The following ACOXL variants were observed in gnomAD, a reference collection of about 807,000 sequenced individuals.
ACOXL encodes the protein acyl-coenzyme A oxidase-like protein.
A neutral mutation model predicts 71.9 loss-of-function variants in ACOXL; 70 were observed. That is an observed-to-expected ratio of 0.97 (90% CI 0.80 to 1.19). The LOEUF is 1.19. Ranked by LOEUF, ACOXL falls within the 50% of genes most tolerant of loss-of-function variation. The pLI, the probability that ACOXL is intolerant of heterozygous loss-of-function variation, is 0.00. For synonymous variants in ACOXL, 253 were observed against 281.6 expected (o/e 0.90, Z 1.02); for missense variants, 703 against 736.3 (o/e 0.95, Z 0.52).
rs1386180838 is a variant in ACOXL at position 110,805,448 on chromosome 2, C to G, written c.753+53C>G. The G allele has an allele frequency of 1.2e-5, 20 of 1,608,734 alleles. No individual in the cohort carries two copies. In the East Asian group the frequency reaches 2.5e-4, roughly 20 times the overall value. On this transcript the variant is annotated intron_variant, in intron 9 of 17. Transcript: ENST00000439055. ...ATCTACTGTGAATTCTCTCACGACT[C>G]AGGGATGAGTAACAATTCCAGGAGC...
chr2:110,799,948 C>T (rs991138794), intron 7 of ACOXL, among the ~76,000 whole-genome samples: 3 of 152,054 alleles, frequency 2.0e-5, no homozygotes, highest in Admixed American at 2.0e-4. Flanking sequence ...AACCAGCGCC[C>T]TCTAAAATGC....
At chr2:111,080,777 A>C (rs1000540734) in intron 16 of ACOXL, among the ~76,000 whole-genome samples, 2 of 152,220 alleles carry the variant, frequency 1.3e-5, no homozygotes, top group Non-Finnish European at 2.9e-5. Flanking sequence ...CCTCAATAAA[A>C]AACTGGCAAG....
chr2:110,968,440 A>T, intron 12 of ACOXL: 1 of 1,183,938 alleles, frequency 8.4e-7, no homozygotes, highest in Non-Finnish European at 1.2e-6. Context: ...CACGGGCCAG[A>T]ATGTTGCAGA....
At chr2:110,817,979 T>A (rs1448510475) in intron 9 of ACOXL, among the ~76,000 whole-genome samples, 11 of 150,228 alleles carry the variant, frequency 7.3e-5, no homozygotes, top group African/African-American at 2.7e-4. Context: ...TTTTAGGGAC[T>A]GATCTCATCA....
intron 10 of ACOXL, among the ~76,000 whole-genome samples, chr2:110,899,042 A>C (rs1165961993): frequency 6.6e-6 from 1 of 152,182 alleles, no homozygotes; most frequent in Admixed American, 6.5e-5. Flanking sequence ...CATGTGTAAG[A>C]CTCCTGAGAA....
chr2:110,880,150 AAAC>A (rs1376841040), intron 10 of ACOXL, among the ~76,000 whole-genome samples: 1,521 of 113,824 alleles, frequency 0.013, 24 homozygotes, highest in African/African-American at 0.043. Context: ...ACTCTGTCAC[AAAC>A]AAAAAAAAAA....
At chr2:111,029,341 C>A (rs983744731) in intron 14 of ACOXL, among the ~76,000 whole-genome samples, 1 of 152,178 alleles carries the variant, frequency 6.6e-6, no homozygotes, top group East Asian at 1.9e-4. Flanking sequence ...ATTTTAAAAT[C>A]TTGTGCATTG....
intron 9 of ACOXL, 132 bp downstream of exon 9, chr2:110,805,527 C>T: frequency 1.6e-6 from 2 of 1,276,140 alleles, no homozygotes; most frequent in Non-Finnish European, 2.2e-6. Context: ...CGGTTAGATG[C>T]TGGGGAGTGC....
chr2:111,007,693 G>A (rs137972113), intron 14 of ACOXL, among the ~76,000 whole-genome samples: 61 of 152,240 alleles, frequency 4.0e-4, no homozygotes, highest in African/African-American at 1.4e-3. Flanking sequence ...CTAGAGAATG[G>A]TATTTAAAAA....
chr2:110,821,652 A>G (rs1456212191), intron 9 of ACOXL, among the ~76,000 whole-genome samples: 1 of 152,044 alleles, frequency 6.6e-6, no homozygotes, highest in Non-Finnish European at 1.5e-5. Context: ...CCCCCTTTTC[A>G]TACGATCAGC....
chr2:110,995,499 C>CGAAAAAAAA (rs2063351599), intron 13 of ACOXL, among the ~76,000 whole-genome samples: 1 of 67,290 alleles, frequency 1.5e-5, no homozygotes, highest in Non-Finnish European at 2.5e-5. Context: ...GACTCTGTCT[C>CGAAAAAAAA]AAAAAAAAAA....
In ACOXL at chr2:110,987,149, T is replaced by C. The variant is rs1296516508; in HGVS notation, c.1101T>C (p.Tyr367=). 1.3e-6 allele frequency: 2 copies of C among 1,578,596 alleles called. No homozygotes were observed. The highest frequency in any genetic ancestry group is 1.7e-6 in the Non-Finnish European group (2 of 1,159,178). Residue 367 remains tyrosine, a synonymous_variant, in exon 13 of 18, where the codon TAT becomes TAC. Coordinates refer to ENST00000439055, the MANE Select transcript of ACOXL (RefSeq NM_001142807.4). The stretch of plus-strand genomic sequence containing the variant: ...TGCTGGCCCAATACACCAAACAGTA[T>C]GAAGAAAAACCACTCTTTGGCCTGC... The part of the protein sequence containing the change: ...RELLAQYTKQ[Y]EEKPLFGLLQ...
At chr2:110,882,325 T>C (rs1449727679) in intron 10 of ACOXL, among the ~76,000 whole-genome samples, 1 of 152,220 alleles carries the variant, frequency 6.6e-6, no homozygotes, top group Non-Finnish European at 1.5e-5. Context: ...CTTTGTTTCA[T>C]ATTGGTGAGT....
At position 110,886,964 on chromosome 2, in the gene ACOXL, CT is replaced by C. The variant is rs1350011968; in HGVS notation, c.789-21824del. On this transcript the variant is annotated intron_variant, in intron 10 of 17. Coordinates refer to ENST00000439055, the MANE Select transcript of ACOXL (RefSeq NM_001142807.4). Reference sequence around the variant, plus strand: ...AGATCCCTATAGGCTTCTCACTGCACTATCCCAAACTTTTTATCTGAGAATG... The same window carrying C: ...AGATCCCTATAGGCTTCTCACTGCACATCCCAAACTTTTTATCTGAGAATG... The C allele has an allele frequency of 9.0e-6, 11 of 1,226,416 alleles. No homozygotes were observed. In the African/African-American group the frequency reaches 1.5e-4, roughly 17 times the overall value. The allele number at this position is 1,226,416 out of a possible 1,614,324, so 76.0% of individuals were successfully genotyped here. A position where few individuals can be genotyped will look rare whatever the true frequency, so the allele number is the denominator to read the frequency against.
chr2:111,039,272 A>G (rs1445610460), intron 15 of ACOXL, among the ~76,000 whole-genome samples: 2 of 152,240 alleles, frequency 1.3e-5, no homozygotes, highest in African/African-American at 4.8e-5. Context: ...GCCAGGAGGA[A>G]AAATAGTGCT....
intron 10 of ACOXL, among the ~76,000 whole-genome samples, chr2:110,849,152 ATTTC>A (rs1692286866): frequency 6.6e-6 from 1 of 152,052 alleles, no homozygotes; most frequent in African/African-American, 2.4e-5. Context: ...GCCTAGCTCT[ATTTC>A]TTCTCCTTCC....
chr2:110,756,432 G>A (rs1395220026), intron 1 of ACOXL, among the ~76,000 whole-genome samples: 5 of 152,140 alleles, frequency 3.3e-5, no homozygotes, highest in East Asian at 1.9e-4. Context: ...CCGTGTCAAG[G>A]TCTGTTTATT....
intron 12 of ACOXL, among the ~76,000 whole-genome samples, chr2:110,966,391 G>A (rs982575805): frequency 2.6e-5 from 4 of 152,222 alleles, no homozygotes; most frequent in Non-Finnish European, 5.9e-5. Flanking sequence ...ACCTGATGTC[G>A]ATTAGACTAA....
chr2:110,814,698 A>G (rs1408646712), intron 9 of ACOXL, among the ~76,000 whole-genome samples: 2 of 152,222 alleles, frequency 1.3e-5, no homozygotes, highest in Non-Finnish European at 2.9e-5. Flanking sequence ...TTCACTGTAG[A>G]ACTACATAGT....
Sources: allele counts gnomAD v4.1 joint callset (sites outside exome capture counted in the v4.1 genomes callset), GRCh38; gene constraint gnomAD v4.1.1; transcripts MANE v1.5; gene names NCBI Gene and HGNC (gene_info 2026-07-23, HGNC 2026-07-21).